The following PACRG variants were observed in gnomAD, a reference collection of about 807,000 sequenced individuals.
The protein encoded by PACRG is parkin coregulated.
A neutral mutation model predicts 29.7 loss-of-function variants in PACRG; 29 were observed. The observed-to-expected ratio is 0.98, with a 90% CI of 0.73 to 1.33. The LOEUF is 1.33. Among genes scored for constraint, PACRG ranks in the 40% most tolerant of loss-of-function variants. The pLI is 0.00. For synonymous variants in PACRG, 116 were observed against 118.7 expected (o/e 0.98, Z 0.15); for missense variants, 279 against 316.2 (o/e 0.88, Z 0.89).
At chr6:163,042,763 C>T (rs1026025175) in intron 2 of PACRG, 1 of 150,906 alleles carries the variant, frequency 6.6e-6, no homozygotes, top group African/African-American at 2.4e-5. Context: ...TACGGGTAAA[C>T]TATGAAAGCA....
At chr6:163,308,457 G>C (rs1372789874) in intron 4 of PACRG, among the ~76,000 whole-genome samples, 1 of 152,210 alleles carries the variant, frequency 6.6e-6, no homozygotes, top group Non-Finnish European at 1.5e-5. Context: ...CTTGAGGCCA[G>C]GAGTTCGAGA....
At chr6:162,866,415 T>A (rs908663146) in intron 2 of PACRG, among the ~76,000 whole-genome samples, 1 of 152,188 alleles carries the variant, frequency 6.6e-6, no homozygotes, top group African/African-American at 2.4e-5. Context: ...CTCCAATTAC[T>A]CTTTATTATA....
chr6:163,201,249 T>G (rs931110407), intron 4 of PACRG, among the ~76,000 whole-genome samples: 1 of 152,222 alleles, frequency 6.6e-6, no homozygotes, highest in Non-Finnish European at 1.5e-5. Flanking sequence ...CACTTCCACT[T>G]CATTAGAGTA....
At chr6:162,914,589 C>G (rs1317687157) in intron 2 of PACRG, among the ~76,000 whole-genome samples, 1 of 136,648 alleles carries the variant, frequency 7.3e-6, no homozygotes, top group South Asian at 2.4e-4. Flanking sequence ...AATCAACTTG[C>G]CCATTTTTAC....
intron 4 of PACRG, among the ~76,000 whole-genome samples, chr6:163,102,317 GC>G: frequency 6.6e-6 from 1 of 152,304 alleles, no homozygotes; most frequent in South Asian, 2.1e-4. Flanking sequence ...TATTGAGGTT[GC>G]TAAATGGCAA....
intron 2 of PACRG, among the ~76,000 whole-genome samples, chr6:162,896,912 C>T (rs1198667895): frequency 6.6e-6 from 1 of 152,204 alleles, no homozygotes; most frequent in Non-Finnish European, 1.5e-5. Context: ...AATAGGCTCT[C>T]AGGTTATTAG....
intron 2 of PACRG, among the ~76,000 whole-genome samples, chr6:163,013,153 G>A (rs914184998): frequency 6.6e-6 from 1 of 151,768 alleles, no homozygotes; most frequent in Non-Finnish European, 1.5e-5. Context: ...CTTTGGCTTT[G>A]AGAAAATTTA....
At chr6:163,099,529 C>A (rs1406525468) in intron 4 of PACRG, among the ~76,000 whole-genome samples, 1 of 152,148 alleles carries the variant, frequency 6.6e-6, no homozygotes, top group Non-Finnish European at 1.5e-5. Flanking sequence ...TCAGTCAGCT[C>A]ATAATTTGTA....
At chr6:163,277,249 C>T (rs1477273400) in intron 4 of PACRG, among the ~76,000 whole-genome samples, 3 of 152,002 alleles carry the variant, frequency 2.0e-5, no homozygotes, top group African/African-American at 7.3e-5. Flanking sequence ...TTGTATCCCT[C>T]ACCACCACGT....
At chr6:162,781,279 A>C (rs986188043) in intron 1 of PACRG, among the ~76,000 whole-genome samples, 2 of 152,042 alleles carry the variant, frequency 1.3e-5, no homozygotes, top group African/African-American at 4.8e-5. Context: ...ATTCTGAAGA[A>C]ATATTTTTTT....
intron 1 of PACRG, among the ~76,000 whole-genome samples, chr6:162,753,440 T>G (rs1335163322): frequency 1.3e-5 from 2 of 152,234 alleles, no homozygotes; most frequent in Non-Finnish European, 2.9e-5. Flanking sequence ...CATTTTGCTC[T>G]TTCTTAAGGC....
chr6:162,771,710 A>G (rs1411011229), intron 1 of PACRG, among the ~76,000 whole-genome samples: 2 of 152,194 alleles, frequency 1.3e-5, no homozygotes, highest in Non-Finnish European at 2.9e-5. Flanking sequence ...AAAGGTGGGT[A>G]ATCATTTTTA....
intron 4 of PACRG, among the ~76,000 whole-genome samples, chr6:163,289,826 GT>G (rs552373546): frequency 3.0e-4 from 45 of 149,254 alleles, no homozygotes; most frequent in African/African-American, 5.4e-4. Flanking sequence ...GTCCTCTTCT[GT>G]TTTTTTTTTC....
chr6:162,796,459 CTGTT>C (rs1279006294), intron 1 of PACRG, among the ~76,000 whole-genome samples: 2 of 152,034 alleles, frequency 1.3e-5, no homozygotes, highest in East Asian at 1.9e-4. Context: ...AGTATGTACA[CTGTT>C]TATTTTGTTT....
intron 4 of PACRG, among the ~76,000 whole-genome samples, chr6:163,097,042 C>G (rs1027326523): frequency 6.6e-6 from 1 of 152,176 alleles, no homozygotes; most frequent in African/African-American, 2.4e-5. Flanking sequence ...TAGTTCCTTC[C>G]TTGGCCCTCT....
chr6:163,114,446 A>T (rs777213781), intron 4 of PACRG, among the ~76,000 whole-genome samples: 1 of 152,228 alleles, frequency 6.6e-6, no homozygotes, highest in Non-Finnish European at 1.5e-5. Context: ...TGAGAAGCAA[A>T]TTAATTCACT....
intron 4 of PACRG, among the ~76,000 whole-genome samples, chr6:163,115,485 G>T (rs1815938279): frequency 6.6e-6 from 1 of 152,058 alleles, no homozygotes; most frequent in East Asian, 1.9e-4. Flanking sequence ...TACTGCAGTG[G>T]ATGCATACAA....
chr6:163,121,660 A>C (rs887618439), intron 4 of PACRG, among the ~76,000 whole-genome samples: 1 of 150,434 alleles, frequency 6.6e-6, no homozygotes, highest in Non-Finnish European at 1.5e-5. Context: ...CCTTCTCGGT[A>C]ATCTTTTTTT....
At chr6:162,873,483 A>G (rs115029444) in intron 2 of PACRG, among the ~76,000 whole-genome samples, 35 of 152,366 alleles carry the variant, frequency 2.3e-4, no homozygotes, top group African/African-American at 7.9e-4. Flanking sequence ...TGTTCTTGAA[A>G]GAATGCTATG....
Sources: allele counts gnomAD v4.1 joint callset (sites outside exome capture counted in the v4.1 genomes callset), GRCh38; gene constraint gnomAD v4.1.1; transcripts MANE v1.5; gene names NCBI Gene and HGNC (gene_info 2026-07-23, HGNC 2026-07-21).